The following FRYL variants were observed in gnomAD, a reference collection of about 807,000 sequenced individuals.
FRYL encodes FRY like transcription coactivator, also known as protein furry homolog-like.
Under a neutral mutation model 351.2 loss-of-function variants are expected in FRYL, and 150 were observed. The ratio of observed to expected loss-of-function variants is 0.43; its 90% CI spans 0.37 to 0.49. The LOEUF (loss-of-function observed/expected upper bound fraction) is 0.49, where lower values mean the gene tolerates loss of function less well. FRYL is among the 20% of genes least tolerant of loss of function. The probability of loss-of-function intolerance (pLI) is 0.00; values close to 1 mark genes in which losing one functional copy is unlikely to be tolerated. For missense variants in FRYL, 3,036 were observed against 3,619.3 expected, an observed-to-expected ratio of 0.84 and a Z score of 4.13; for synonymous variants, 1,153 against 1,257.1, an observed-to-expected ratio of 0.92 and a Z score of 1.75.
At chr4:48,539,033 A>AAC (rs1729530283) in intron 47 of FRYL, among the ~76,000 whole-genome samples, 1 of 152,186 alleles carries the variant, frequency 6.6e-6, no homozygotes, top group Admixed American at 6.5e-5. Context: ...TAAGAGCTAT[A>AAC]ACACTTTTAA....
chr4:48,662,177 C>G (rs1017065762), intron 3 of FRYL, among the ~76,000 whole-genome samples: 10 of 152,148 alleles, frequency 6.6e-5, no homozygotes, highest in African/African-American at 2.4e-4. Context: ...CAGTGGCTGA[C>G]ACGTGTAATC....
chr4:48,601,927 TAAC>T (rs1288836061), intron 13 of FRYL, 90 bp downstream of exon 13: 2 of 670,700 alleles, frequency 3.0e-6, no homozygotes, highest in African/African-American at 3.7e-5. Flanking sequence ...ATACCAATAG[TAAC>T]AAAAGTTTCA....
rs56320005 is a variant in FRYL, at chr4:48,592,082, TTATATATATA to T, written c.1336-1262_1336-1253del. Among the ~76,000 whole-genome samples the T allele has an allele frequency of 7.0e-3, 817 of 116,198 alleles. 39 individuals are homozygous for T. The highest frequency in any genetic ancestry group is 0.022 in the African/African-American group (480 of 22,250). The allele number at this position is 116,198 out of a possible 152,430, so 76.2% of individuals were successfully genotyped here. ...GGAATACGGGAAGAAAATAAAGCTC[TTATATATATA>T]TATATATATATATATATATATATTT... On this transcript the variant is annotated intron_variant, in intron 16 of 63. Transcript: ENST00000358350.
intron 3 of FRYL, among the ~76,000 whole-genome samples, chr4:48,669,948 T>C (rs1176286967): frequency 2.0e-5 from 3 of 152,040 alleles, no homozygotes; most frequent in African/African-American, 4.8e-5. Context: ...TTTAAAATCA[T>C]TTTTTACTTT....
At chr4:48,598,744 A>G (rs562784484) in intron 13 of FRYL, 36 of 481,868 alleles carry the variant, frequency 7.5e-5, no homozygotes, top group African/African-American at 7.4e-4. Flanking sequence ...TAGACATGCA[A>G]TGCAACAATG....
intron 1 of FRYL, among the ~76,000 whole-genome samples, chr4:48,731,311 G>A (rs1313459715): frequency 1.3e-5 from 2 of 152,074 alleles, no homozygotes; most frequent in Non-Finnish European, 2.9e-5. Flanking sequence ...AAAAACATTC[G>A]ACGCTCATGG....
chr4:48,679,837 A>G (rs1578700618), intron 3 of FRYL, among the ~76,000 whole-genome samples: 1 of 152,088 alleles, frequency 6.6e-6, no homozygotes, highest in East Asian at 1.9e-4. Flanking sequence ...AAAATGTAAT[A>G]TAATTTTAAT....
chr4:48,537,758 G>A (rs1406013219), intron 47 of FRYL, among the ~76,000 whole-genome samples: 2 of 152,170 alleles, frequency 1.3e-5, no homozygotes, highest in East Asian at 3.8e-4. Flanking sequence ...CACGATATCA[G>A]CAGCTCGATA....
chr4:48,531,611 CT>C (rs1226845277), intron 49 of FRYL, among the ~76,000 whole-genome samples: 1 of 152,088 alleles, frequency 6.6e-6, no homozygotes, highest in Non-Finnish European at 1.5e-5. Flanking sequence ...CCAATAAGTG[CT>C]TTGTAATTAT....
chr4:48,552,251 G>A (rs1732994732), intron 36 of FRYL, among the ~76,000 whole-genome samples: 1 of 88,694 alleles, frequency 1.1e-5, no homozygotes. Flanking sequence ...AGGGGTGTGT[G>A]TGTGTGTGTG....
intron 33 of FRYL, among the ~76,000 whole-genome samples, chr4:48,560,960 A>G (rs1735366553): frequency 6.6e-6 from 1 of 152,300 alleles, no homozygotes; most frequent in South Asian, 2.1e-4. Context: ...CATGGCCAGT[A>G]CTTACACTGG....
At chr4:48,700,093 C>T (rs1766578667) in intron 2 of FRYL, among the ~76,000 whole-genome samples, 1 of 152,188 alleles carries the variant, frequency 6.6e-6, no homozygotes, top group Non-Finnish European at 1.5e-5. Context: ...ACACCACCTA[C>T]CACCTTAAGG....
rs1452804325 is a variant in FRYL, at chr4:48,549,694, T to G, written c.4634-71A>C. On this transcript the variant is annotated intron_variant, in intron 38 of 63. Transcript: ENST00000358350. This position sits in a 1 kb window ranked among gnomAD's most constrained non-coding sequence, Gnocchi z 4.2. ...CCAATATAAGCAAACTCTAGTAAGATCCCAACTATTTATATAGTATTGGAA... is the reference window on the plus strand; with the variant it reads ...CCAATATAAGCAAACTCTAGTAAGAGCCCAACTATTTATATAGTATTGGAA... The G allele has an allele frequency of 7.1e-6, 9 of 1,262,360 alleles. No individual in the cohort carries two copies. The highest frequency in any genetic ancestry group is 1.0e-5 in the Non-Finnish European group (9 of 891,798). The allele number at this position is 1,262,360 out of a possible 1,614,324, so 78.2% of individuals were successfully genotyped here.
intron 1 of FRYL, among the ~76,000 whole-genome samples, chr4:48,753,376 C>T (rs1378840016): frequency 1.3e-5 from 2 of 152,110 alleles, no homozygotes; most frequent in African/African-American, 4.8e-5. Flanking sequence ...CAATTTGAGT[C>T]CCTTCACAAG....
intron 3 of FRYL, among the ~76,000 whole-genome samples, chr4:48,671,881 A>C (rs1762809895): frequency 1.3e-5 from 2 of 148,698 alleles, no homozygotes; most frequent in African/African-American, 2.5e-5. Flanking sequence ...AACAAAAAAA[A>C]AAAAAAAAAA....
chr4:48,750,716 A>G (rs2149664760), intron 1 of FRYL, among the ~76,000 whole-genome samples: 1 of 152,344 alleles, frequency 6.6e-6, no homozygotes, highest in Middle Eastern at 3.4e-3. Flanking sequence ...AAGCAACTAG[A>G]AAGATGAAAC....
chr4:48,775,431 AT>A (rs925568861), intron 1 of FRYL, among the ~76,000 whole-genome samples: 2 of 151,578 alleles, frequency 1.3e-5, no homozygotes, highest in African/African-American at 2.4e-5. Context: ...TAAATGAAAG[AT>A]TTTTTTTTCA....
chr4:48,572,925 T>C (rs1389494889), intron 26 of FRYL, among the ~76,000 whole-genome samples: 2 of 152,162 alleles, frequency 1.3e-5, no homozygotes, highest in Non-Finnish European at 2.9e-5. Context: ...CCGAAAATAT[T>C]TACCATCCGG....
chr4:48,725,756 A>G (rs1770006027), intron 1 of FRYL, among the ~76,000 whole-genome samples: 1 of 152,232 alleles, frequency 6.6e-6, no homozygotes, highest in African/African-American at 2.4e-5. Context: ...CAATGGTCCC[A>G]AAGCACAAGA....
Sources: allele counts gnomAD v4.1 joint callset (sites outside exome capture counted in the v4.1 genomes callset), GRCh38; gene constraint gnomAD v4.1.1; non-coding constraint Gnocchi (gnomAD v3.1); transcripts MANE v1.5; gene names NCBI Gene and HGNC (gene_info 2026-07-23, HGNC 2026-07-21).